Variants in RNPEPL1 observed in about 807,000 individuals in gnomAD.
RNPEPL1 encodes the protein arginyl aminopeptidase like 1.
In RNPEPL1, 46 loss-of-function variants were observed where a neutral mutation model predicts 69.0. The observed-to-expected ratio is 0.67, with a 90% confidence interval of 0.53 to 0.85. The LOEUF (loss-of-function observed/expected upper bound fraction) is 0.85. Among genes scored for constraint, RNPEPL1 ranks in the 40% least tolerant of loss-of-function variants. The pLI is 0.00. For missense variants in RNPEPL1, 869 were observed against 992.5 expected (o/e 0.88, Z 1.67); for synonymous variants, 525 against 454.1 (o/e 1.16, Z -1.98).
Position 240,578,353 on chromosome 2 carries a change from G to A in RNPEPL1, c.*461G>A, listed in dbSNP as rs8662. 0.81 allele frequency: 125,871 copies of A among 154,710 alleles called. 51,338 individuals are homozygous for A. The highest frequency in any genetic ancestry group is 0.96 in the East Asian group (5,084 of 5,302). 9.6% of individuals were successfully genotyped at this position (154,710 alleles called of 1,614,324 possible). ...CCGCACAGCCCTGCACCCCGCCCCT[G>A]GGGTTGGCAGCCTCAGTTGGCCCCT... On this transcript the variant is annotated 3_prime_UTR_variant, in exon 11 of 11. Coordinates refer to ENST00000270357, the MANE Select transcript of RNPEPL1 (RefSeq NM_018226.6).
In RNPEPL1 at chr2:240,574,944, T is replaced by C. The variant is rs549492937; in HGVS notation, c.1289-86T>C. 2.3e-5 allele frequency: 24 copies of C among 1,024,766 alleles called. 1 individual carries two copies. In the African/African-American group the frequency reaches 3.3e-4, roughly 14 times the overall value. The allele number at this position is 1,024,766 out of a possible 1,614,324, so 63.5% of individuals were successfully genotyped here. On this transcript the variant is annotated intron_variant, in intron 6 of 10. Coordinates refer to ENST00000270357, the MANE Select transcript of RNPEPL1 (RefSeq NM_018226.6). Reference sequence around the variant, plus strand: ...GACAGTGGCGCTTGGCCCTTGCTGCTCCTCGGAGCCTGACCACTGCCCCTC... The same window carrying C: ...GACAGTGGCGCTTGGCCCTTGCTGCCCCTCGGAGCCTGACCACTGCCCCTC...
intron 6 of RNPEPL1, 107 bp from the exon 7 acceptor site, chr2:240,574,923 G>C: frequency 1.2e-6 from 1 of 857,936 alleles, no homozygotes. Flanking sequence ...GTGAGGGACA[G>C]TGGCGCTTGG....
Position 240,568,522 on chromosome 2 carries a change from C to CG in RNPEPL1, c.-65_-64insG. On this transcript the variant is annotated 5_prime_UTR_variant, in exon 1 of 11. Transcript: ENST00000270357. This position sits in a 1 kb window ranked among gnomAD's most constrained non-coding sequence, Gnocchi z 6.2. ...GCCCGCGCCCCGCCGCCGCCGCCGC[C>CG]CGGCGCCCCTCGCCCGCGGCCCGGC... 1.3e-6 allele frequency: 1 copy of CG among 796,252 alleles called. No homozygotes were observed. The highest frequency in any genetic ancestry group is 1.5e-6 in the Non-Finnish European group (1 of 660,950). The allele number at this position is 796,252 out of a possible 1,614,324, so 49.3% of individuals were successfully genotyped here. A position where few individuals can be genotyped will look rare whatever the true frequency, so the allele number is the denominator to read the frequency against.
At chr2:240,571,591 C>T (rs1369252657) in intron 1 of RNPEPL1, among the ~76,000 whole-genome samples, 1 of 151,840 alleles carries the variant, frequency 6.6e-6, no homozygotes, top group Non-Finnish European at 1.5e-5. Flanking sequence ...AGGATAGTGG[C>T]AGGAGGGCCC....
chr2:240,569,239 C>A, intron 1 of RNPEPL1, 125 bp downstream of exon 1: 1 of 1,086,704 alleles, frequency 9.2e-7, no homozygotes, highest in Non-Finnish European at 1.2e-6. Flanking sequence ...CCCCCCACCC[C>A]GGTGATTCCC....
chr2:240,577,118 C>T (rs1362115383), intron 10 of RNPEPL1, 128 bp downstream of exon 10: 3 of 1,220,398 alleles, frequency 2.5e-6, no homozygotes, highest in African/African-American at 1.5e-5. Context: ...GCGGGGAAGA[C>T]GTAGGGGTCT....
intron 1 of RNPEPL1, 129 bp from the exon 2 acceptor site, chr2:240,572,294 A>G (rs1389263601): frequency 8.7e-7 from 1 of 1,154,682 alleles, no homozygotes; most frequent in Non-Finnish European, 1.2e-6. Flanking sequence ...TTGGCCCTCG[A>G]ACCCAGCAAG....
At position 240,575,094 on chromosome 2, in the gene RNPEPL1, C is replaced by T; in HGVS notation, c.1353C>T (p.Tyr451=). 1.2e-6 allele frequency: 2 copies of T among 1,613,808 alleles called. No homozygotes were observed. The highest frequency in any genetic ancestry group is 1.3e-5 in the African/African-American group (1 of 75,074). ...TYEKGYCFVY[Y]LSQLCGDPQR... is the part of the protein sequence containing the mutation. The stretch of plus-strand genomic sequence containing the variant: ...AGAAGGGCTACTGCTTCGTGTACTA[C>T]CTGTCCCAGCTCTGCGGAGACCCAC... The change falls in exon 7 of 11, where the codon TAC becomes TAT. Residue 451 remains tyrosine, a synonymous_variant. Coordinates refer to ENST00000270357, the MANE Select transcript of RNPEPL1 (RefSeq NM_018226.6).
At chr2:240,572,637 C>A in intron 2 of RNPEPL1, 74 bp downstream of exon 2, 2 of 1,505,850 alleles carry the variant, frequency 1.3e-6, no homozygotes, top group African/African-American at 1.4e-5. Context: ...CTCCCCCTTG[C>A]TCCTACCTGC....
In RNPEPL1 at chr2:240,568,582, C is replaced by T. The variant is rs1471491125; in HGVS notation, c.-5C>T. ...GCCCATGGATTTCACCTAGTGCCGGCGGCCATGGCCGCGCAGTGCTGCTGC... is the reference window on the plus strand; with the variant it reads ...GCCCATGGATTTCACCTAGTGCCGGTGGCCATGGCCGCGCAGTGCTGCTGC... On this transcript the variant is annotated 5_prime_UTR_variant, in exon 1 of 11. Transcript: ENST00000270357. This position sits in a 1 kb window ranked among gnomAD's most constrained non-coding sequence, Gnocchi z 6.2. 19 of 980,880 alleles carry T rather than the reference C, an allele frequency of 1.9e-5. No homozygotes were observed. Among genetic ancestry groups the T allele is most frequent in the Non-Finnish European group, 2.2e-5 (18 of 828,538 alleles). The allele number at this position is 980,880 out of a possible 1,614,324, so 60.8% of individuals were successfully genotyped here. A position where few individuals can be genotyped will look rare whatever the true frequency, so the allele number is the denominator to read the frequency against.
Position 240,573,370 on chromosome 2 carries a change from C to T in RNPEPL1, c.821+109C>T, listed in dbSNP as rs1343351212. The T allele has an allele frequency of 1.2e-5, 15 of 1,276,554 alleles. No individual in the cohort carries two copies. The East Asian group carries it at 3.6e-4, about 31-fold the overall frequency. 79.1% of individuals were successfully genotyped at this position (1,276,554 alleles called of 1,614,324 possible). A position where few individuals can be genotyped will look rare whatever the true frequency, so the allele number is the denominator to read the frequency against. On this transcript the variant is annotated intron_variant, in intron 3 of 10. Transcript: ENST00000270357. ...TGCCCTGCTGAGGACCCCCACTGGC[C>T]TCTGGGTGCTCTGGGCCAGCCCTGC...
rs191831366 is a variant in RNPEPL1, at chr2:240,578,209, C to A, written c.*317C>A. 5 of 268,828 alleles carry A rather than the reference C, an allele frequency of 1.9e-5. No homozygotes were observed. Among genetic ancestry groups the A allele is most frequent in the Admixed American group, 5.0e-5 (1 of 20,142 alleles). 16.7% of individuals were successfully genotyped at this position (268,828 alleles called of 1,614,324 possible). A position where few individuals can be genotyped will look rare whatever the true frequency, so the allele number is the denominator to read the frequency against. Reference sequence around the variant, plus strand: ...TGCCAGCACCTGCCAGGTGCCGCCCCGGGGCAAGGGCCCCAGCAGCCCTAT... The same window carrying A: ...TGCCAGCACCTGCCAGGTGCCGCCCAGGGGCAAGGGCCCCAGCAGCCCTAT... On this transcript the variant is annotated 3_prime_UTR_variant, in exon 11 of 11. Transcript: ENST00000270357.
chr2:240,575,618 T>C lies in RNPEPL1; in HGVS notation c.1510+8T>C. ...GCGTGGACTGCCGGGCAGGTGAGGC[T>C]GACCCCCAACCCTGCAGCCAGGGAG... On this transcript the variant is annotated splice_region_variant and intron_variant, in intron 8 of 10. Transcript: ENST00000270357. The C allele has an allele frequency of 6.2e-7, 1 of 1,610,380 alleles. No homozygotes were observed. The highest frequency in any genetic ancestry group is 8.5e-7 in the Non-Finnish European group (1 of 1,177,522).
chr2:240,576,680 C>G lies in RNPEPL1; in HGVS notation c.1656C>G (p.Ala552=). 6.2e-7 allele frequency: 1 copy of G among 1,613,022 alleles called. No homozygotes were observed. The highest frequency in any genetic ancestry group is 8.5e-7 in the Non-Finnish European group (1 of 1,179,970). The change falls in exon 9 of 11, where the codon GCC becomes GCG. Residue 552 remains alanine (A), a synonymous_variant. Transcript: ENST00000270357. ...AEPLDQAAAS[A]SAIDISKWRT... is the part of the protein sequence containing the mutation. ...CTCTGGACCAGGCAGCTGCCTCGGC[C>G]AGCGCCATTGACATCTCCAAGTGGA...
intron 7 of RNPEPL1, 165 bp downstream of exon 7, chr2:240,575,307 C>T (rs2093034520): frequency 2.7e-6 from 2 of 731,588 alleles, no homozygotes; most frequent in Non-Finnish European, 4.7e-6. Context: ...CCTGGGTTGC[C>T]ACCTCCCCTT....
intron 4 of RNPEPL1, 77 bp downstream of exon 4, chr2:240,573,968 G>A: frequency 7.0e-7 from 1 of 1,427,422 alleles, no homozygotes. Flanking sequence ...GACCCCTGGG[G>A]TGTCCTGTCC....
rs143635846 is a variant in RNPEPL1, at chr2:240,578,935, T to A, written c.*1043T>A. ...CCTGGGCCTGAGTAGCCTCTGGATG[T>A]CACAGGAAAGCCATGTGTCACCTTC... On this transcript the variant is annotated 3_prime_UTR_variant, in exon 11 of 11. Coordinates refer to ENST00000270357, the MANE Select transcript of RNPEPL1 (RefSeq NM_018226.6). 20 of 152,406 alleles carry A rather than the reference T, an allele frequency of 1.3e-4. 1 individual carries two copies. The East Asian group carries it at 3.8e-3, about 29-fold the overall frequency. 9.4% of individuals were successfully genotyped at this position (152,406 alleles called of 1,614,324 possible). A position where few individuals can be genotyped will look rare whatever the true frequency, so the allele number is the denominator to read the frequency against.
Position 240,568,872 on chromosome 2 carries a change from G to C in RNPEPL1, c.286G>C (p.Ala96Pro). 1 of 1,220,646 alleles carries C rather than the reference G, an allele frequency of 8.2e-7. No homozygotes were observed. The highest frequency in any genetic ancestry group is 1.0e-6 in the Non-Finnish European group (1 of 975,648). The allele number at this position is 1,220,646 out of a possible 1,614,324, so 75.6% of individuals were successfully genotyped here. Residue 96 changes from alanine to proline, a missense_variant, in exon 1 of 11, where the codon GCC (alanine) becomes CCC (proline). Transcript: ENST00000270357. This position sits in a 1 kb window ranked among gnomAD's most constrained non-coding sequence, Gnocchi z 6.2. ...HSAAFRRAPAAAAETPCAFAF... is the reference protein window; with the variant it reads ...HSAAFRRAPAPAAETPCAFAF... ...AGCCGCCTTCCGTCGCGCCCCCGCC[G>C]CCGCCGCCGAGACGCCCTGCGCCTT...
intron 3 of RNPEPL1, among the ~76,000 whole-genome samples, chr2:240,573,531 C>T (rs529888651): frequency 9.9e-4 from 151 of 152,366 alleles, no homozygotes; most frequent in African/African-American, 3.0e-3. Context: ...CTCATACCTT[C>T]GTTGGTCCCT....
Sources: gnomAD v4.1 joint callset for allele counts (sites outside exome capture counted in the v4.1 genomes callset) on GRCh38, gnomAD v4.1.1 for gene constraint, Gnocchi (gnomAD v3.1) non-coding constraint, MANE v1.5 for transcripts, NCBI Gene and HGNC (gene_info 2026-07-23, HGNC 2026-07-21) for gene names.